C1QTNF7: variants seen among roughly 807,000 people sequenced by gnomAD.
C1QTNF7 encodes complement C1q tumor necrosis factor-related protein 7.
Under a neutral mutation model 19.6 loss-of-function variants are expected in C1QTNF7, and 15 were observed. The ratio of observed to expected loss-of-function variants is 0.76; its 90% CI spans 0.51 to 1.18. The LOEUF is 1.18. Ranked by LOEUF, C1QTNF7 falls within the 50% of genes most tolerant of loss-of-function variation. C1QTNF7 has a pLI of 0.00. For missense variants in C1QTNF7, 324 were observed against 359.7 expected (o/e 0.90, Z 0.80); for synonymous variants, 142 against 137.5 (o/e 1.03, Z -0.23).
At chr4:15,440,723 T>C (rs912567610) in intron 2 of C1QTNF7, among the ~76,000 whole-genome samples, 1 of 152,230 alleles carries the variant, frequency 6.6e-6, no homozygotes, top group South Asian at 2.1e-4. Flanking sequence ...AAGTTTTTTT[T>C]ACCTGTCTGG....
rs185678307 is a variant in C1QTNF7 at position 15,369,548 on chromosome 4, A to G, written c.13+29341A>G. Among the ~76,000 whole-genome samples, 544 of 152,334 alleles carry G rather than the reference A, an allele frequency of 3.6e-3. 4 individuals are homozygous for G. The highest frequency in any genetic ancestry group is 6.8e-3 in the Middle Eastern group (2 of 294). On this transcript the variant is annotated intron_variant, in intron 1 of 2. Transcript: ENST00000295297. ...GTTATTGTTTGTTTCCTGCCTTATC[A>G]TATATAAATTATTTTACCATTATTT...
At chr4:15,342,028 A>G in intron 1 of C1QTNF7, among the ~76,000 whole-genome samples, 1 of 152,228 alleles carries the variant, frequency 6.6e-6, no homozygotes, top group East Asian at 1.9e-4. Flanking sequence ...AAAGGCTATT[A>G]GGGTTGCTAA....
chr4:15,380,234 T>C (rs551956822), intron 1 of C1QTNF7, among the ~76,000 whole-genome samples: 2 of 152,290 alleles, frequency 1.3e-5, no homozygotes, highest in South Asian at 4.1e-4. Flanking sequence ...TCAGCTAGGA[T>C]TGTATTTGTA....
chr4:15,422,280 T>G (rs1192920010), intron 1 of C1QTNF7, among the ~76,000 whole-genome samples: 5 of 151,908 alleles, frequency 3.3e-5, no homozygotes, highest in Non-Finnish European at 5.9e-5. Flanking sequence ...TCCTTGGGAT[T>G]TGGCAGATTT....
intron 1 of C1QTNF7, among the ~76,000 whole-genome samples, chr4:15,383,342 A>ATTT (rs1718216052): frequency 6.6e-6 from 1 of 152,158 alleles, no homozygotes; most frequent in Non-Finnish European, 1.5e-5. Flanking sequence ...GTTGATTCAC[A>ATTT]TGGCCCCCAA....
chr4:15,340,281 G>C, intron 1 of C1QTNF7: 1 of 1,496,680 alleles, frequency 6.7e-7, no homozygotes, highest in Non-Finnish European at 9.1e-7. Context: ...TTTCCTGGGA[G>C]AACTTAAGAA....
intron 1 of C1QTNF7, among the ~76,000 whole-genome samples, chr4:15,432,325 A>G (rs1712350994): frequency 6.6e-6 from 1 of 152,136 alleles, no homozygotes; most frequent in South Asian, 2.1e-4. Context: ...CATCAACTGA[A>G]TCCCAGTACT....
chr4:15,391,324 T>C (rs1209934448), intron 1 of C1QTNF7, among the ~76,000 whole-genome samples: 2 of 151,952 alleles, frequency 1.3e-5, no homozygotes, highest in Non-Finnish European at 2.9e-5. Context: ...TGGACTCACT[T>C]AAGTCACCTG....
chr4:15,372,189 AC>A (rs1187213195), intron 1 of C1QTNF7, among the ~76,000 whole-genome samples: 2 of 152,146 alleles, frequency 1.3e-5, no homozygotes, highest in Admixed American at 6.5e-5. Flanking sequence ...GAATTGTGTC[AC>A]CCCAAAATTC....
chr4:15,423,397 A>G (rs1711883167), upstream of C1QTNF7, among the ~76,000 whole-genome samples: 2 of 152,320 alleles, frequency 1.3e-5, no homozygotes, highest in African/African-American at 2.4e-5. Flanking sequence ...TCCATGAGTC[A>G]CTGAATTGCC....
intron 1 of C1QTNF7, among the ~76,000 whole-genome samples, chr4:15,406,798 G>A (rs1719210319): frequency 6.6e-6 from 1 of 152,094 alleles, no homozygotes; most frequent in Admixed American, 6.5e-5. Context: ...AAAATTGATA[G>A]TTCAATTTTA....
intron 1 of C1QTNF7, among the ~76,000 whole-genome samples, chr4:15,356,356 T>C (rs1717147048): frequency 6.6e-6 from 1 of 150,634 alleles, no homozygotes; most frequent in Non-Finnish European, 1.5e-5. Context: ...AGTGTTTGGT[T>C]TTCTGTTCCT....
intron 1 of C1QTNF7, among the ~76,000 whole-genome samples, chr4:15,399,706 T>C (rs2108906469): frequency 6.6e-6 from 1 of 152,302 alleles, no homozygotes; most frequent in South Asian, 2.1e-4. Context: ...ATCACCTCCT[T>C]ACCTATGTCT....
intron 1 of C1QTNF7, among the ~76,000 whole-genome samples, chr4:15,375,481 T>C (rs1479439196): frequency 6.6e-6 from 1 of 152,232 alleles, no homozygotes; most frequent in African/African-American, 2.4e-5. Flanking sequence ...CATAATTTCA[T>C]AAATGATGCA....
intron 1 of C1QTNF7, among the ~76,000 whole-genome samples, chr4:15,352,957 T>C (rs1310311839): frequency 6.6e-6 from 1 of 152,184 alleles, no homozygotes; most frequent in Non-Finnish European, 1.5e-5. Flanking sequence ...TCCAGGTATG[T>C]ATGACCCAGA....
chr4:15,440,027 C>T (rs1212897129), intron 2 of C1QTNF7, among the ~76,000 whole-genome samples: 4 of 151,640 alleles, frequency 2.6e-5, no homozygotes, highest in Admixed American at 6.6e-5. Context: ...GTGTTATATA[C>T]ATAAACTATT....
chr4:15,428,131 G>A, intron 1 of C1QTNF7, 25 bp downstream of exon 1: 3 of 974,550 alleles, frequency 3.1e-6, no homozygotes, highest in Non-Finnish European at 1.2e-6. Flanking sequence ...CTTTTTTTTA[G>A]AATTTTGGCA....
chr4:15,351,323 T>C (rs1349322977), intron 1 of C1QTNF7, among the ~76,000 whole-genome samples: 1 of 152,190 alleles, frequency 6.6e-6, no homozygotes, highest in Non-Finnish European at 1.5e-5. Flanking sequence ...GTAAGCTTCC[T>C]AATCAAACAC....
chr4:15,371,551 T>A (rs1469350203), intron 1 of C1QTNF7, among the ~76,000 whole-genome samples: 1 of 152,144 alleles, frequency 6.6e-6, no homozygotes, highest in African/African-American at 2.4e-5. Flanking sequence ...ATGCAAATTA[T>A]CTTAGAAATA....
Sources: gnomAD v4.1 joint callset for allele counts (sites outside exome capture counted in the v4.1 genomes callset) on GRCh38, gnomAD v4.1.1 for gene constraint, MANE v1.5 for transcripts, NCBI Gene and HGNC (gene_info 2026-07-23, HGNC 2026-07-21) for gene names.